ABR: variants seen among roughly 807,000 people sequenced by gnomAD.
ABR encodes active breakpoint cluster region-related protein.
In ABR, 35 loss-of-function variants were observed where a neutral mutation model predicts 107.2. The ratio of observed to expected loss-of-function variants is 0.33; its 90% CI spans 0.25 to 0.43. The LOEUF (loss-of-function observed/expected upper bound fraction) is 0.43. Among genes scored for constraint, ABR ranks in the 20% least tolerant of loss-of-function variants. The pLI is 1.00. For missense variants in ABR, 815 were observed against 1,115.2 expected (o/e 0.73, Z 3.83); for synonymous variants, 498 against 462.0 (o/e 1.08, Z -1.00).
intron 1 of ABR, among the ~76,000 whole-genome samples, chr17:1,175,194 C>CT (rs2041874889): frequency 6.6e-6 from 1 of 151,502 alleles, no homozygotes; most frequent in Non-Finnish European, 1.5e-5. Context: ...GGTGGATCAC[C>CT]TGAGGTCAGG....
intron 16 of ABR, among the ~76,000 whole-genome samples, chr17:1,015,675 C>A (rs946829684): frequency 1.3e-5 from 2 of 151,992 alleles, no homozygotes; most frequent in Non-Finnish European, 2.9e-5. Flanking sequence ...TCAGGCTGAT[C>A]TCGAACTCCC....
chr17:1,152,693 G>A (rs998358493), intron 1 of ABR, among the ~76,000 whole-genome samples: 1 of 152,134 alleles, frequency 6.6e-6, no homozygotes, highest in East Asian at 1.9e-4. Context: ...TCCCGTTGTA[G>A]GCAAAAGATG....
At chr17:1,100,126 TAAAAAAAAAA>T (rs59004026) in intron 3 of ABR, among the ~76,000 whole-genome samples, 1 of 110,170 alleles carries the variant, frequency 9.1e-6, no homozygotes, top group African/African-American at 3.5e-5. Context: ...AGCTCCGTCT[TAAAAAAAAAA>T]AAAAAAAAAA....
At chr17:1,098,829 C>T (rs770425676) in intron 3 of ABR, among the ~76,000 whole-genome samples, 8 of 152,260 alleles carry the variant, frequency 5.3e-5, no homozygotes, top group South Asian at 4.1e-4. Flanking sequence ...CTTGTTGCCC[C>T]GGCTGGAGTG....
intron 21 of ABR, among the ~76,000 whole-genome samples, chr17:1,008,822 C>T (rs867946328): frequency 3.9e-5 from 6 of 152,182 alleles, no homozygotes; most frequent in African/African-American, 1.2e-4. Context: ...CACCTCCCCA[C>T]GCAAGCCTGA....
chr17:1,048,404 G>T (rs530081461), intron 16 of ABR, among the ~76,000 whole-genome samples: 1 of 150,642 alleles, frequency 6.6e-6, no homozygotes, highest in Non-Finnish European at 1.5e-5. Flanking sequence ...ATGCTACCAA[G>T]GACCTGCAGG....
At chr17:1,214,003 T>C (rs1251208579) in intron 1 of ABR, among the ~76,000 whole-genome samples, 2 of 152,044 alleles carry the variant, frequency 1.3e-5, no homozygotes, top group Non-Finnish European at 2.9e-5. Flanking sequence ...TTCTCCTGCC[T>C]CAGCCTCCCG....
At chr17:1,024,793 A>G (rs2072044474) in intron 16 of ABR, among the ~76,000 whole-genome samples, 1 of 149,244 alleles carries the variant, frequency 6.7e-6, no homozygotes, top group Admixed American at 6.7e-5. Flanking sequence ...CAAAAAAAAA[A>G]AAAAAAAAAA....
chr17:1,060,754 A>C (rs2033828735), intron 10 of ABR, among the ~76,000 whole-genome samples: 1 of 152,154 alleles, frequency 6.6e-6, no homozygotes, highest in Non-Finnish European at 1.5e-5. Context: ...GCACTTTGGG[A>C]GGCCGGGGCG....
chr17:1,149,702 G>C (rs2589486), intron 1 of ABR, among the ~76,000 whole-genome samples: 96,954 of 152,010 alleles, frequency 0.64, 31,772 homozygotes, highest in African/African-American at 0.79. Context: ...CAGGCGTGAG[G>C]CACTGTGCCC....
chr17:1,028,614 A>C (rs1189821171), intron 16 of ABR, among the ~76,000 whole-genome samples: 1 of 152,218 alleles, frequency 6.6e-6, no homozygotes, highest in African/African-American at 2.4e-5. Context: ...CCATCACAGA[A>C]CACGGGACTC....
chr17:1,207,649 C>CAAAAA (rs376092819), intron 1 of ABR, among the ~76,000 whole-genome samples: 4 of 86,168 alleles, frequency 4.6e-5, no homozygotes, highest in Admixed American at 4.5e-4. Context: ...AACTCCGTCT[C>CAAAAA]AAAAAAAAAA....
At chr17:1,096,603 C>T (rs1319546676) in intron 3 of ABR, among the ~76,000 whole-genome samples, 4 of 152,162 alleles carry the variant, frequency 2.6e-5, no homozygotes, top group Non-Finnish European at 2.9e-5. Context: ...GGCCTCCCAG[C>T]GAGTTCTTCC....
chr17:1,049,641 G>C (rs907213821), intron 16 of ABR, among the ~76,000 whole-genome samples: 2 of 151,986 alleles, frequency 1.3e-5, no homozygotes, highest in Non-Finnish European at 2.9e-5. Flanking sequence ...AAGAGCAAAC[G>C]CCTGGTCCGT....
chr17:1,107,732 C>T (rs781574030), intron 2 of ABR, among the ~76,000 whole-genome samples: 1 of 152,166 alleles, frequency 6.6e-6, no homozygotes, highest in Non-Finnish European at 1.5e-5. Flanking sequence ...CACGGGGAGA[C>T]GTGACTTACC....
intron 21 of ABR, 23 bp downstream of exon 21, chr17:1,009,656 G>A: frequency 6.3e-7 from 1 of 1,594,142 alleles, no homozygotes; most frequent in South Asian, 1.1e-5. Flanking sequence ...TGAGGAGGTG[G>A]GGTTGGGGCC....
At chr17:1,120,765 C>T (rs1320346041) in intron 2 of ABR, among the ~76,000 whole-genome samples, 1 of 152,210 alleles carries the variant, frequency 6.6e-6, no homozygotes, top group African/African-American at 2.4e-5. Context: ...AGTGTCTTCA[C>T]ACTACAGATG....
intron 16 of ABR, among the ~76,000 whole-genome samples, chr17:1,014,234 G>C (rs1003106598): frequency 6.6e-6 from 1 of 152,132 alleles, no homozygotes; most frequent in Non-Finnish European, 1.5e-5. Flanking sequence ...GAGCTCAGGA[G>C]ATCGAGACCA....
intron 1 of ABR, among the ~76,000 whole-genome samples, chr17:1,186,528 C>T (rs1004683445): frequency 3.9e-5 from 6 of 152,230 alleles, no homozygotes; most frequent in African/African-American, 9.6e-5. Context: ...ACTCCCCACA[C>T]GCCCCCACAC....
Sources: gnomAD v4.1 joint callset for allele counts (sites outside exome capture counted in the v4.1 genomes callset) on GRCh38, gnomAD v4.1.1 for gene constraint, MANE v1.5 for transcripts, NCBI Gene and HGNC (gene_info 2026-07-23, HGNC 2026-07-21) for gene names.